Variants in UQCC1 observed in about 807,000 individuals in gnomAD.
The protein encoded by UQCC1 is bFGF-repressed Zic-binding protein.
In UQCC1, 38 loss-of-function variants were observed where a neutral mutation model predicts 48.0. The ratio of observed to expected loss-of-function variants is 0.79; its 90% CI spans 0.61 to 1.04. UQCC1 has a LOEUF of 1.04. UQCC1 is among the 50% of genes least tolerant of loss of function. The pLI, the probability that UQCC1 is intolerant of heterozygous loss-of-function variation, is 0.00. For missense variants in UQCC1, 368 were observed against 381.8 expected, an observed-to-expected ratio of 0.96 and a Z score of 0.30; for synonymous variants, 111 against 129.2, an observed-to-expected ratio of 0.86 and a Z score of 0.95.
In UQCC1 at chr20:35,321,953, G is replaced by C. The variant is rs1600869814; in HGVS notation, c.574-7188C>G. ...AAATTCTAGTCATTTGTCCAGTTGA[G>C]AAAACATGAGAACACATAATATTAA... is the stretch of plus-strand genomic sequence containing the variant. On this transcript the variant is annotated intron_variant, in intron 7 of 9. Coordinates refer to ENST00000374385, the MANE Select transcript of UQCC1 (RefSeq NM_018244.5). Among the ~76,000 whole-genome samples, 4 of 152,280 alleles carry C rather than the reference G, an allele frequency of 2.6e-5. No individual in the cohort carries two copies. In the East Asian group the frequency reaches 7.7e-4, roughly 29 times the overall value.
At chr20:35,395,457 CA>C (rs577441185) in intron 1 of UQCC1, among the ~76,000 whole-genome samples, 26 of 139,514 alleles carry the variant, frequency 1.9e-4, no homozygotes, top group African/African-American at 5.8e-4. Flanking sequence ...CCCAGCTATA[CA>C]AAAAAAAACC....
chr20:35,360,961 G>A (rs79403549), intron 6 of UQCC1, among the ~76,000 whole-genome samples: 1,949 of 152,142 alleles, frequency 0.013, 44 homozygotes, highest in African/African-American at 0.045. Context: ...GAGTTGTCTC[G>A]GGTCAGCCAC....
intron 1 of UQCC1, among the ~76,000 whole-genome samples, chr20:35,399,925 C>CT (rs1227064253): frequency 0.086 from 10,244 of 119,570 alleles, 985 homozygotes; most frequent in South Asian, 0.19. Context: ...CTACTCAGTC[C>CT]TTTTTTTTTT....
chr20:35,358,652 C>T (rs1291449966), intron 6 of UQCC1, among the ~76,000 whole-genome samples: 2 of 151,996 alleles, frequency 1.3e-5, no homozygotes, highest in African/African-American at 2.4e-5. Flanking sequence ...CTCTGCCTCC[C>T]GGGTTCAAGA....
At chr20:35,337,052 G>A (rs1332551866) in intron 7 of UQCC1, among the ~76,000 whole-genome samples, 2 of 152,182 alleles carry the variant, frequency 1.3e-5, no homozygotes, top group Admixed American at 6.5e-5. Context: ...AGCTCTTCCA[G>A]AGCCAATTTC....
intron 8 of UQCC1, among the ~76,000 whole-genome samples, chr20:35,312,557 G>A (rs1381517342): frequency 2.0e-5 from 3 of 152,190 alleles, no homozygotes; most frequent in African/African-American, 7.2e-5. Context: ...GAGAGTGCAG[G>A]GAGGATGGAA....
intron 9 of UQCC1, among the ~76,000 whole-genome samples, chr20:35,306,099 C>A (rs909302452): frequency 6.6e-6 from 1 of 152,130 alleles, no homozygotes; most frequent in African/African-American, 2.4e-5. Flanking sequence ...GTAAGCAGCC[C>A]CCACTGCGGA....
chr20:35,366,120 A>G (rs1326667781), intron 6 of UQCC1, among the ~76,000 whole-genome samples: 3 of 152,242 alleles, frequency 2.0e-5, no homozygotes, highest in Admixed American at 6.5e-5. Context: ...GCTAACTTGT[A>G]TGCACATTTT....
intron 5 of UQCC1, among the ~76,000 whole-genome samples, chr20:35,370,040 C>T (rs1317397905): frequency 1.3e-5 from 2 of 152,152 alleles, no homozygotes; most frequent in Non-Finnish European, 2.9e-5. Flanking sequence ...GACCAGTCAG[C>T]AAACCGCAGT....
At chr20:35,361,355 C>A (rs2061603290) in intron 6 of UQCC1, among the ~76,000 whole-genome samples, 1 of 151,996 alleles carries the variant, frequency 6.6e-6, no homozygotes, top group Non-Finnish European at 1.5e-5. Flanking sequence ...CCCTGACTGA[C>A]CCACCCCTAA....
chr20:35,306,902 G>C (rs1161925350), intron 8 of UQCC1, 123 bp from the exon 9 acceptor site: 2 of 761,190 alleles, frequency 2.6e-6, no homozygotes, highest in Admixed American at 3.9e-5. Context: ...CCACGCACAA[G>C]AGGAAAATGG....
At chr20:35,386,167 A>G (rs913030191) in intron 2 of UQCC1, 24 of 345,052 alleles carry the variant, frequency 7.0e-5, no homozygotes, top group African/African-American at 5.0e-4. Flanking sequence ...GAAACCAAAG[A>G]GTTATTTTGT....
At chr20:35,331,068 C>A (rs2061251354) in intron 7 of UQCC1, among the ~76,000 whole-genome samples, 1 of 151,036 alleles carries the variant, frequency 6.6e-6, no homozygotes, top group African/African-American at 2.4e-5. Flanking sequence ...ATGCCAAAGA[C>A]AACAAGGTTC....
intron 7 of UQCC1, among the ~76,000 whole-genome samples, chr20:35,338,910 G>GATATAT (rs2061347857): frequency 3.0e-5 from 1 of 33,580 alleles, no homozygotes; most frequent in African/African-American, 3.6e-4. Context: ...TATATATATG[G>GATATAT]AGAGATTTTT....
intron 8 of UQCC1, among the ~76,000 whole-genome samples, chr20:35,312,852 A>C (rs1301369205): frequency 6.6e-6 from 1 of 152,152 alleles, no homozygotes; most frequent in Non-Finnish European, 1.5e-5. Context: ...ACAGTAGTCA[A>C]ATTCATAGAG....
chr20:35,388,649 T>C (rs1373707362), intron 2 of UQCC1, among the ~76,000 whole-genome samples: 1 of 152,192 alleles, frequency 6.6e-6, no homozygotes, highest in African/African-American at 2.4e-5. Context: ...CTAGGATATA[T>C]ACTCAAAGCT....
At chr20:35,306,603 G>A in intron 9 of UQCC1, 63 bp downstream of exon 9, 1 of 1,304,354 alleles carries the variant, frequency 7.7e-7, no homozygotes, top group Non-Finnish European at 1.1e-6. Flanking sequence ...ATGATCCCCT[G>A]AAAGCCCAAG....
intron 7 of UQCC1, among the ~76,000 whole-genome samples, chr20:35,334,602 T>C (rs759906832): frequency 2.0e-5 from 3 of 152,228 alleles, no homozygotes; most frequent in Non-Finnish European, 2.9e-5. Context: ...AATTTCTTAA[T>C]ATTGTAATTA....
At chr20:35,343,738 C>T (rs6120914) in intron 7 of UQCC1, among the ~76,000 whole-genome samples, 3 of 152,300 alleles carry the variant, frequency 2.0e-5, no homozygotes, top group East Asian at 1.9e-4. Context: ...GGGGGACCAC[C>T]TAAAACCTTG....
Sources: gnomAD v4.1 joint callset for allele counts (sites outside exome capture counted in the v4.1 genomes callset) on GRCh38, gnomAD v4.1.1 for gene constraint, MANE v1.5 for transcripts, NCBI Gene and HGNC (gene_info 2026-07-23, HGNC 2026-07-21) for gene names.